NUCB1: variants seen among roughly 807,000 people sequenced by gnomAD.
NUCB1 encodes the protein nucleobindin 1.
Under a neutral mutation model 61.2 loss-of-function variants are expected in NUCB1, and 47 were observed. That is an observed-to-expected ratio of 0.77 (90% CI 0.61 to 0.98). The LOEUF is 0.98. NUCB1 is among the 50% of genes least tolerant of loss of function. The probability of loss-of-function intolerance (pLI) is 0.00; values close to 1 mark genes in which losing one functional copy is unlikely to be tolerated. For synonymous variants in NUCB1, 234 were observed against 243.1 expected (o/e 0.96, Z 0.35); for missense variants, 583 against 605.3 (o/e 0.96, Z 0.39).
At chr19:48,901,042 TG>T (rs753114451) in intron 2 of NUCB1, 111 bp downstream of exon 2, 30 of 1,327,950 alleles carry the variant, frequency 2.3e-5, no homozygotes, top group Non-Finnish European at 3.2e-5. Flanking sequence ...GCCCTACAGT[TG>T]TAGCTTGTTT....
intron 2 of NUCB1, among the ~76,000 whole-genome samples, chr19:48,902,424 T>C (rs995984778): frequency 2.7e-5 from 4 of 147,244 alleles, no homozygotes; most frequent in South Asian, 2.1e-4. Context: ...CTTTTTCTTT[T>C]TTTTTTTTTT....
At chr19:48,907,264 CG>C (rs2037422855) in intron 4 of NUCB1, among the ~76,000 whole-genome samples, 1 of 147,636 alleles carries the variant, frequency 6.8e-6, no homozygotes. Context: ...TGAGCCACCG[CG>C]CCTGGCCTTT....
At chr19:48,920,890 A>C (rs1367634098) in intron 10 of NUCB1, among the ~76,000 whole-genome samples, 3 of 152,080 alleles carry the variant, frequency 2.0e-5, no homozygotes, top group Non-Finnish European at 2.9e-5. Flanking sequence ...TCCGTTGCCC[A>C]GGCTGACCTT....
Position 48,922,518 on chromosome 19 carries a change from T to C in NUCB1, c.*94T>C, listed in dbSNP as rs2037623593. ...CACAGTCAGCTTCCCTGGGGGCTGG[T>C]GTCATGTTGGGCTCCTGGGGCGGGG... is the stretch of plus-strand genomic sequence containing the variant. On this transcript the variant is annotated 3_prime_UTR_variant, in exon 13 of 13. Transcript: ENST00000405315. 1 of 1,010,320 alleles carries C rather than the reference T, an allele frequency of 9.9e-7. No individual in the cohort carries two copies. Among genetic ancestry groups the C allele is most frequent in the Non-Finnish European group, 1.5e-6 (1 of 658,462 alleles). 62.6% of individuals were successfully genotyped at this position (1,010,320 alleles called of 1,614,324 possible).
chr19:48,908,664 T>A (rs1453539601), intron 4 of NUCB1, among the ~76,000 whole-genome samples: 1 of 144,462 alleles, frequency 6.9e-6, no homozygotes, highest in Non-Finnish European at 1.5e-5. Context: ...TGTGTGTGTG[T>A]GTGTGTGTGT....
intron 8 of NUCB1, 120 bp downstream of exon 8, chr19:48,918,904 G>T: frequency 7.6e-7 from 1 of 1,309,920 alleles, no homozygotes; most frequent in African/African-American, 1.5e-5. Flanking sequence ...ACTCCCATCA[G>T]CCCCTGGGGC....
In NUCB1 at chr19:48,919,298, G is replaced by C; in HGVS notation, c.1002+12G>C. 1 of 1,587,102 alleles carries C rather than the reference G, an allele frequency of 6.3e-7. No homozygotes were observed. The highest frequency in any genetic ancestry group is 1.1e-5 in the South Asian group (1 of 90,490). On this transcript the variant is annotated intron_variant, in intron 10 of 12. Coordinates refer to ENST00000405315, the MANE Select transcript of NUCB1 (RefSeq NM_006184.6). ...GGGAGGGCTGGGAGGTGAGAACATG[G>C]GGGATACTCGGGGTCCTGAACCTCT...
chr19:48,919,331 C>A (rs746502602), intron 10 of NUCB1, 45 bp downstream of exon 10: 6 of 1,425,756 alleles, frequency 4.2e-6, no homozygotes, highest in Admixed American at 3.5e-5. Context: ...TCTCTCTCTT[C>A]TAGCCATGAC....
rs141728906 is a variant in NUCB1, at chr19:48,904,361, C to T, written c.150C>T (p.Tyr50=). The T allele has an allele frequency of 4.0e-5, 65 of 1,612,606 alleles. No individual in the cohort carries two copies. The highest frequency in any genetic ancestry group is 5.3e-5 in the Non-Finnish European group (62 of 1,178,874). ...PATESPDTGL[Y]YHRYLQEVID... ...TGTTGCCTCAGGACACAGGCCTGTACTACCACCGGTACCTCCAGGAGGTCA... is the reference window on the plus strand; with the variant it reads ...TGTTGCCTCAGGACACAGGCCTGTATTACCACCGGTACCTCCAGGAGGTCA... Residue 50 remains tyrosine (Y), a synonymous_variant, in exon 3 of 13, where the codon TAC becomes TAT. Coordinates refer to ENST00000405315, the MANE Select transcript of NUCB1 (RefSeq NM_006184.6).
chr19:48,913,485 C>T lies in NUCB1; in HGVS notation c.678C>T (p.Ala226=). 1.2e-6 allele frequency: 2 copies of T among 1,614,126 alleles called. No individual in the cohort carries two copies. The highest frequency in any genetic ancestry group is 1.3e-5 in the African/African-American group (1 of 75,038). The change falls in exon 7 of 13, where the codon GCC becomes GCT. Residue 226 remains alanine (A), a synonymous_variant. Transcript: ENST00000405315. ...TCTCCCCTCCACAGGGCAGCCAAGC[C>T]CAGTTGAAGGAGGTGTGGGAGGAGC... is the stretch of plus-strand genomic sequence containing the variant. ...HPKVNVPGSQ[A]QLKEVWEELD... is the part of the protein sequence containing the mutation.
At position 48,902,607 on chromosome 19, in the gene NUCB1, A is replaced by ATT. The variant is rs759464826; in HGVS notation, c.135+1677_135+1678dup. ...GTATTTTTGATAGAGACAGGGTGTC[A>ATT]TTATACTGCCCAGGCTAGTCTCGAA... On this transcript the variant is annotated intron_variant, in intron 2 of 12. Coordinates refer to ENST00000405315, the MANE Select transcript of NUCB1 (RefSeq NM_006184.6). Among the ~76,000 whole-genome samples the ATT allele has an allele frequency of 2.3e-4, 35 of 149,800 alleles. No individual in the cohort carries two copies. In the East Asian group the frequency reaches 4.6e-3, roughly 20 times the overall value.
At chr19:48,911,405 CTTTTTTTTTT>C (rs1163076168) in intron 5 of NUCB1, among the ~76,000 whole-genome samples, 153 bp downstream of exon 5, 1 of 104,442 alleles carries the variant, frequency 9.6e-6, no homozygotes, top group Non-Finnish European at 1.9e-5. Context: ...CTTTTCTTTT[CTTTTTTTTTT>C]TTTTTTTGAG....
intron 4 of NUCB1, among the ~76,000 whole-genome samples, chr19:48,906,933 A>G (rs1000120641): frequency 6.6e-6 from 1 of 151,848 alleles, no homozygotes; most frequent in Non-Finnish European, 1.5e-5. Flanking sequence ...TAAAATCGGG[A>G]GATTTATCAG....
intron 5 of NUCB1, among the ~76,000 whole-genome samples, chr19:48,911,526 C>T (rs1447030667): frequency 6.6e-6 from 1 of 151,814 alleles, no homozygotes; most frequent in African/African-American, 2.4e-5. Context: ...CTGCCTCAGC[C>T]TCCCGAGTAG....
Position 48,900,354 on chromosome 19 carries a change from C to T in NUCB1, c.-30C>T. 1 of 168,028 alleles carries T rather than the reference C, an allele frequency of 6.0e-6. No individual in the cohort carries two copies. The highest frequency in any genetic ancestry group is 1.5e-4 in the South Asian group (1 of 6,830). The allele number at this position is 168,028 out of a possible 1,614,324, so 10.4% of individuals were successfully genotyped here. On this transcript the variant is annotated 5_prime_UTR_variant, in exon 1 of 13. Coordinates refer to ENST00000405315, the MANE Select transcript of NUCB1 (RefSeq NM_006184.6). ...GGTCCTTGCCCGCCCTGGAAAACGCCCTCTGCGGTGAAGGAGAGGTGAGAG... is the reference window on the plus strand; with the variant it reads ...GGTCCTTGCCCGCCCTGGAAAACGCTCTCTGCGGTGAAGGAGAGGTGAGAG...
chr19:48,912,671 A>G (rs1459834276), intron 5 of NUCB1, among the ~76,000 whole-genome samples: 1 of 151,976 alleles, frequency 6.6e-6, no homozygotes, highest in Non-Finnish European at 1.5e-5. Context: ...CCTCGTTTCT[A>G]CTAAAAATAC....
chr19:48,921,421 C>A, intron 11 of NUCB1, 97 bp downstream of exon 11: 1 of 1,350,286 alleles, frequency 7.4e-7, no homozygotes, highest in South Asian at 1.3e-5. Context: ...CTGTGGCCAC[C>A]ATGTTAATCA....
intron 4 of NUCB1, among the ~76,000 whole-genome samples, chr19:48,908,529 C>T (rs1449179424): frequency 6.6e-6 from 1 of 152,152 alleles, no homozygotes; most frequent in African/African-American, 2.4e-5. Flanking sequence ...GTCCCTGGCA[C>T]AAATAATGAA....
In NUCB1 at chr19:48,911,247, CAGACGGTAATG is replaced by C; in HGVS notation, c.476_480+6del. ...GGCCCGCGACCTGGAGCTGCTGATCCAGACGGTAATGGGAGTGGGTCCGGAGGCAGAGGATT... is the reference window on the plus strand; with the variant it reads ...GGCCCGCGACCTGGAGCTGCTGATCCGGAGTGGGTCCGGAGGCAGAGGATT... On this transcript the variant is annotated splice_donor_variant and splice_donor_5th_base_variant and coding_sequence_variant and intron_variant, in exon 5 of 13. Coordinates refer to ENST00000405315, the MANE Select transcript of NUCB1 (RefSeq NM_006184.6). LOFTEE classifies it high-confidence loss of function. 6.2e-7 allele frequency: 1 copy of C among 1,612,470 alleles called. No homozygotes were observed. The highest frequency in any genetic ancestry group is 8.5e-7 in the Non-Finnish European group (1 of 1,178,728).
Sources: allele counts gnomAD v4.1 joint callset (sites outside exome capture counted in the v4.1 genomes callset), GRCh38; gene constraint gnomAD v4.1.1; transcripts MANE v1.5; gene names NCBI Gene and HGNC (gene_info 2026-07-23, HGNC 2026-07-21).